TRERF1: variants seen among roughly 807,000 people sequenced by gnomAD.
TRERF1 encodes the protein transcriptional-regulating factor 1.
Under a neutral mutation model 122.9 loss-of-function variants are expected in TRERF1, and 27 were observed. The observed-to-expected ratio is 0.22, with a 90% CI of 0.16 to 0.30. TRERF1 has a LOEUF of 0.30. Among genes scored for constraint, TRERF1 ranks in the 10% least tolerant of loss-of-function variants. The pLI is 1.00. For synonymous variants in TRERF1, 636 were observed against 641.7 expected, an observed-to-expected ratio of 0.99 and a Z score of 0.13; for missense variants, 1,248 against 1,560.3, an observed-to-expected ratio of 0.80 and a Z score of 3.37.
chr6:42,287,693 C>A (rs1046175092), intron 4 of TRERF1, among the ~76,000 whole-genome samples: 1 of 152,210 alleles, frequency 6.6e-6, no homozygotes, highest in Non-Finnish European at 1.5e-5. Flanking sequence ...CCTCCCCATT[C>A]CCACTCACTT....
At chr6:42,319,240 T>G (rs1460951762) in intron 3 of TRERF1, among the ~76,000 whole-genome samples, 9 of 152,256 alleles carry the variant, frequency 5.9e-5, no homozygotes, top group Non-Finnish European at 1.3e-4. Context: ...TGTTTGTGAT[T>G]TATGCATCAA....
At chr6:42,404,555 G>T (rs1272957974) in intron 2 of TRERF1, among the ~76,000 whole-genome samples, 1 of 151,972 alleles carries the variant, frequency 6.6e-6, no homozygotes, top group Admixed American at 6.6e-5. Context: ...ACGGCTTTCA[G>T]AAAAGCTACC....
intron 2 of TRERF1, among the ~76,000 whole-genome samples, chr6:42,373,414 T>C (rs1321289797): frequency 2.6e-5 from 4 of 152,162 alleles, no homozygotes; most frequent in Non-Finnish European, 2.9e-5. Flanking sequence ...ACACCTGCAA[T>C]CCCAGCACTT....
intron 15 of TRERF1, among the ~76,000 whole-genome samples, chr6:42,237,569 G>C (rs1772540718): frequency 6.6e-6 from 1 of 152,202 alleles, no homozygotes; most frequent in Admixed American, 6.5e-5. Context: ...GACCTGGCAG[G>C]TCATTTGTCT....
In TRERF1 at chr6:42,300,281, C is replaced by G. The variant is rs9381165; in HGVS notation, c.-259+357G>C. On this transcript the variant is annotated intron_variant, in intron 4 of 17. Coordinates refer to ENST00000372922, the Ensembl canonical transcript of TRERF1. ...CTAGCAGGTACTGGGACTCTCAGGTCGTGGACTGAGTAATCTTTCCCATTC... is the reference window on the plus strand; with the variant it reads ...CTAGCAGGTACTGGGACTCTCAGGTGGTGGACTGAGTAATCTTTCCCATTC... Among the ~76,000 whole-genome samples, 28 of 152,266 alleles carry G rather than the reference C, an allele frequency of 1.8e-4. No individual in the cohort carries two copies. The East Asian group carries it at 3.5e-3, about 19-fold the overall frequency.
At chr6:42,271,486 C>T (rs1356115291) in intron 4 of TRERF1, among the ~76,000 whole-genome samples, 1 of 152,094 alleles carries the variant, frequency 6.6e-6, no homozygotes, top group Non-Finnish European at 1.5e-5. Flanking sequence ...ATGGTAACTG[C>T]ATGGTCATTC....
At chr6:42,407,851 G>C (rs571189231) in intron 2 of TRERF1, among the ~76,000 whole-genome samples, 1 of 150,960 alleles carries the variant, frequency 6.6e-6, no homozygotes, top group African/African-American at 2.4e-5. Flanking sequence ...ATATTTACCA[G>C]GTCATCATCA....
intron 4 of TRERF1, among the ~76,000 whole-genome samples, chr6:42,289,405 A>C (rs1383639335): frequency 6.6e-6 from 1 of 151,904 alleles, no homozygotes; most frequent in African/African-American, 2.4e-5. Context: ...TGCTCTGGCC[A>C]CAGTGTAGAT....
chr6:42,342,277 T>G (rs762765117), intron 3 of TRERF1, among the ~76,000 whole-genome samples: 2 of 152,184 alleles, frequency 1.3e-5, no homozygotes, highest in Non-Finnish European at 2.9e-5. Flanking sequence ...AAAGACCATG[T>G]CCCAGGAACT....
intron 3 of TRERF1, among the ~76,000 whole-genome samples, chr6:42,302,674 C>T (rs1786433661): frequency 6.6e-6 from 1 of 152,086 alleles, no homozygotes; most frequent in African/African-American, 2.4e-5. Flanking sequence ...TGAATGTTGG[C>T]AAAGGGAAGG....
chr6:42,404,718 C>G (rs1182458426), intron 2 of TRERF1, among the ~76,000 whole-genome samples: 3 of 146,390 alleles, frequency 2.0e-5, no homozygotes, highest in African/African-American at 8.3e-5. Flanking sequence ...CTCTCTGTGC[C>G]GATTCCTGCT....
At position 42,424,098 on chromosome 6, in the gene TRERF1, A is replaced by G. The variant is rs538234613; in HGVS notation, c.-454+27079T>C. Reference sequence around the variant, plus strand: ...TTGCTGCTGTATAACAATCTATCACATGACAACAATGTATGTACCCATTCT... The same window carrying G: ...TTGCTGCTGTATAACAATCTATCACGTGACAACAATGTATGTACCCATTCT... On this transcript the variant is annotated intron_variant, in intron 2 of 17. Transcript: ENST00000372922. 2.5e-4 allele frequency among the ~76,000 whole-genome samples: 38 copies of G among 152,376 alleles called. 2 individuals are homozygous for G. In the South Asian group the frequency reaches 7.9e-3, roughly 32 times the overall value.
intron 3 of TRERF1, among the ~76,000 whole-genome samples, chr6:42,312,860 AG>A (rs1281083723): frequency 6.6e-6 from 1 of 152,192 alleles, no homozygotes; most frequent in East Asian, 1.9e-4. Context: ...GACACGAAAT[AG>A]GTTCTACCAA....
chr6:42,381,729 G>T (rs952747652), intron 2 of TRERF1, among the ~76,000 whole-genome samples: 2 of 151,554 alleles, frequency 1.3e-5, no homozygotes, highest in African/African-American at 4.9e-5. Context: ...GGATGAGAAG[G>T]CAGGGGAAGT....
chr6:42,238,835 T>TCACACACACA lies in TRERF1; in HGVS notation c.2860-2434_2860-2425dup, dbSNP rs58223539. On this transcript the variant is annotated intron_variant, in intron 15 of 17. Coordinates refer to ENST00000372922, the Ensembl canonical transcript of TRERF1. ...GAATGCCTGCTGAGAATCATGCATT[T>TCACACACACA]CACACACACACACACACACACACAC... Among the ~76,000 whole-genome samples, 1,274 of 143,106 alleles carry TCACACACACA rather than the reference T, an allele frequency of 8.9e-3. 8 individuals are homozygous for TCACACACACA. The highest frequency in any genetic ancestry group is 0.043 in the East Asian group (208 of 4,890). 93.9% of individuals were successfully genotyped at this position (143,106 alleles called of 152,430 possible). A position where few individuals can be genotyped will look rare whatever the true frequency, so the allele number is the denominator to read the frequency against.
intron 14 of TRERF1, among the ~76,000 whole-genome samples, chr6:42,245,018 G>A (rs1263637136): frequency 6.6e-6 from 1 of 152,222 alleles, no homozygotes; most frequent in Non-Finnish European, 1.5e-5. Context: ...CCTCAAAGTT[G>A]CCCCCTTCTC....
chr6:42,351,989 T>G (rs535343506), intron 3 of TRERF1, among the ~76,000 whole-genome samples: 8 of 151,922 alleles, frequency 5.3e-5, no homozygotes, highest in Admixed American at 5.2e-4. Flanking sequence ...TAAGCCATAA[T>G]TTGGTGCGGG....
chr6:42,324,152 G>A (rs370552730), intron 3 of TRERF1, among the ~76,000 whole-genome samples: 22 of 152,188 alleles, frequency 1.4e-4, no homozygotes, highest in East Asian at 1.2e-3. Flanking sequence ...ATGCAATCCC[G>A]TTTACAACAG....
At chr6:42,296,097 C>A (rs550721301) in intron 4 of TRERF1, among the ~76,000 whole-genome samples, 3 of 152,206 alleles carry the variant, frequency 2.0e-5, no homozygotes, top group African/African-American at 7.2e-5. Flanking sequence ...AGTGAGTCCA[C>A]GCAGCCCCAG....
Sources: gnomAD v4.1 joint callset for allele counts (sites outside exome capture counted in the v4.1 genomes callset) on GRCh38, gnomAD v4.1.1 for gene constraint, MANE v1.5 for transcripts, NCBI Gene and HGNC (gene_info 2026-07-23, HGNC 2026-07-21) for gene names.